The following PARN variants were observed in gnomAD, a reference collection of about 807,000 sequenced individuals.
PARN encodes poly(A)-specific ribonuclease.
Under a neutral mutation model 102.8 loss-of-function variants are expected in PARN, and 71 were observed. The ratio of observed to expected loss-of-function variants is 0.69; its 90% CI spans 0.57 to 0.84. The LOEUF (loss-of-function observed/expected upper bound fraction) is 0.84, where lower values mean the gene tolerates loss of function less well. Among genes scored for constraint, PARN ranks in the 40% least tolerant of loss-of-function variants. The pLI is 0.00. For synonymous variants in PARN, 261 were observed against 252.9 expected (o/e 1.03, Z -0.30); for missense variants, 782 against 760.9 (o/e 1.03, Z -0.33).
chr16:14,596,584 A>C (rs1970527487), intron 12 of PARN, among the ~76,000 whole-genome samples: 1 of 151,774 alleles, frequency 6.6e-6, no homozygotes, highest in South Asian at 2.1e-4. Context: ...AAAAAAATAT[A>C]TATATAAAAT....
intron 11 of PARN, among the ~76,000 whole-genome samples, chr16:14,600,839 A>T (rs1201946321): frequency 6.6e-6 from 1 of 152,156 alleles, no homozygotes. Context: ...CTGAGGCAGG[A>T]GAATCGCTTG....
intron 22 of PARN, among the ~76,000 whole-genome samples, chr16:14,455,556 G>C (rs1961640699): frequency 6.6e-6 from 1 of 152,168 alleles, no homozygotes; most frequent in African/African-American, 2.4e-5. Flanking sequence ...TCCTAGCAAG[G>C]TTAACAGCAC....
intron 21 of PARN, among the ~76,000 whole-genome samples, chr16:14,486,854 C>T (rs1963729175): frequency 6.6e-6 from 1 of 152,242 alleles, no homozygotes; most frequent in African/African-American, 2.4e-5. Context: ...TAAAACTAAC[C>T]TTTTCCAAAT....
At chr16:14,560,763 T>A (rs536698383) in intron 18 of PARN, among the ~76,000 whole-genome samples, 1 of 152,254 alleles carries the variant, frequency 6.6e-6, no homozygotes, top group East Asian at 1.9e-4. Flanking sequence ...CAGCATACGC[T>A]ACACAATACC....
chr16:14,605,292 CA>C (rs1971114270), intron 10 of PARN, among the ~76,000 whole-genome samples: 1 of 152,120 alleles, frequency 6.6e-6, no homozygotes. Context: ...TTTGAAATGC[CA>C]ACATAAGTTG....
intron 21 of PARN, among the ~76,000 whole-genome samples, chr16:14,490,205 T>C (rs953776969): frequency 3.9e-5 from 6 of 152,060 alleles, no homozygotes; most frequent in African/African-American, 1.4e-4. Context: ...AGAGAACTAT[T>C]TATTGGCTAT....
chr16:14,577,490 C>T (rs1279584292), intron 18 of PARN, among the ~76,000 whole-genome samples: 2 of 151,972 alleles, frequency 1.3e-5, no homozygotes, highest in Admixed American at 6.6e-5. Flanking sequence ...TCTGCCCCTA[C>T]ACCCACCTAA....
intron 19 of PARN, 44 bp downstream of exon 19, chr16:14,555,610 C>G (rs1458901345): frequency 1.1e-6 from 1 of 896,550 alleles, no homozygotes; most frequent in South Asian, 1.8e-5. Context: ...CCAGACCACA[C>G]ACTTAAATGC....
intron 12 of PARN, among the ~76,000 whole-genome samples, chr16:14,597,865 C>T (rs1460008692): frequency 6.6e-6 from 1 of 151,470 alleles, no homozygotes; most frequent in Admixed American, 6.6e-5. Flanking sequence ...GTTATACAGC[C>T]GGGCATGGTG....
At position 14,447,025 on chromosome 16, in the gene PARN, G is replaced by A; in HGVS notation, c.1727C>T (p.Ala576Val). Residue 576 changes from alanine to valine, a missense_variant, in exon 23 of 24, where the codon GCT (alanine) becomes GTT (valine). Ala to Val is a moderately conservative substitution (Grantham distance 64). Coordinates refer to ENST00000437198, the MANE Select transcript of PARN (RefSeq NM_002582.4). ...KRNLSPSQEE[A>V]GLEDGVSGEI... ...CCCTGACACTCCGTCCTCCAGGCCA[G>A]CTTCCTCTTGACTAGGACTCAAATT... The A allele has an allele frequency of 6.2e-7, 1 of 1,613,848 alleles. No individual in the cohort carries two copies. Among genetic ancestry groups the A allele is most frequent in the Non-Finnish European group, 8.5e-7 (1 of 1,179,756 alleles).
intron 2 of PARN, 47 bp from the exon 3 acceptor site, chr16:14,628,298 C>T (rs749912726): frequency 3.0e-5 from 31 of 1,049,932 alleles, no homozygotes; most frequent in African/African-American, 1.9e-4. Flanking sequence ...TAAATACTAA[C>T]GTAAAAATGC....
chr16:14,562,298 A>G (rs1968115356), intron 18 of PARN, among the ~76,000 whole-genome samples: 1 of 152,006 alleles, frequency 6.6e-6, no homozygotes, highest in African/African-American at 2.4e-5. Flanking sequence ...GCTACAAAGA[A>G]ATACAGAAAA....
At chr16:14,520,785 A>C (rs531211031) in intron 21 of PARN, among the ~76,000 whole-genome samples, 1 of 152,350 alleles carries the variant, frequency 6.6e-6, no homozygotes, top group South Asian at 2.1e-4. Context: ...TTCAAAATAA[A>C]AAGTGAGAGA....
chr16:14,529,561 G>C (rs1006503113), intron 21 of PARN, among the ~76,000 whole-genome samples: 1 of 152,102 alleles, frequency 6.6e-6, no homozygotes, highest in Non-Finnish European at 1.5e-5. Flanking sequence ...TGCGCCCTAT[G>C]AAAGAAATTC....
chr16:14,620,101 G>T (rs1375143462), intron 5 of PARN, among the ~76,000 whole-genome samples: 1 of 139,610 alleles, frequency 7.2e-6, no homozygotes, highest in Non-Finnish European at 1.5e-5. Context: ...ACACTGGCCG[G>T]GCACAGTGGC....
intron 21 of PARN, among the ~76,000 whole-genome samples, chr16:14,519,374 T>C (rs1160729528): frequency 6.7e-6 from 1 of 148,482 alleles, no homozygotes; most frequent in Non-Finnish European, 1.5e-5. Flanking sequence ...AGGAAGAACA[T>C]TTTCTGAGCT....
chr16:14,526,351 G>T (rs1034936200), intron 21 of PARN, among the ~76,000 whole-genome samples: 1 of 150,454 alleles, frequency 6.6e-6, no homozygotes, highest in African/African-American at 2.4e-5. Context: ...TAATTTTTTT[G>T]TATTTTTAGT....
chr16:14,622,433 G>A lies in PARN; in HGVS notation c.327+4673C>T, dbSNP rs537507125. On this transcript the variant is annotated intron_variant, in intron 5 of 23. Transcript: ENST00000437198. The stretch of plus-strand genomic sequence containing the variant: ...AATTAACTGATCAAACAAATTATAC[G>A]TATCCATACTACGAAATAAAAGACA... Among the ~76,000 whole-genome samples, 5 of 152,284 alleles carry A rather than the reference G, an allele frequency of 3.3e-5. No individual in the cohort carries two copies. The South Asian group carries it at 6.2e-4, about 19-fold the overall frequency.
At chr16:14,530,673 T>A (rs1966275714) in intron 21 of PARN, among the ~76,000 whole-genome samples, 1 of 152,102 alleles carries the variant, frequency 6.6e-6, no homozygotes, top group Non-Finnish European at 1.5e-5. Flanking sequence ...CCTCACTGGG[T>A]GAACACTGTC....
Sources: gnomAD v4.1 joint callset for allele counts (sites outside exome capture counted in the v4.1 genomes callset) on GRCh38, gnomAD v4.1.1 for gene constraint, MANE v1.5 for transcripts, NCBI Gene and HGNC (gene_info 2026-07-23, HGNC 2026-07-21) for gene names.